KIF26A: variants seen among roughly 807,000 people sequenced by gnomAD.
The protein encoded by KIF26A is kinesin family member 26A.
KIF26A carries 74 observed loss-of-function variants against 126.0 expected under a neutral mutation model. The ratio of observed to expected loss-of-function variants is 0.59; its 90% CI spans 0.49 to 0.71. KIF26A has a LOEUF of 0.71. KIF26A is among the 30% of genes least tolerant of loss of function. The pLI, the probability that KIF26A is intolerant of heterozygous loss-of-function variation, is 0.00. For synonymous variants in KIF26A, 1,445 were observed against 1,232.7 expected, an observed-to-expected ratio of 1.17 and a Z score of -3.61; for missense variants, 2,984 against 2,763.3, an observed-to-expected ratio of 1.08 and a Z score of -1.79.
chr14:104,167,042 C>T lies in KIF26A; in HGVS notation c.1107C>T (p.Ile369=), dbSNP rs192904369. Residue 369 remains isoleucine, a synonymous_variant, in exon 5 of 15, where the codon ATC becomes ATT. Coordinates refer to ENST00000423312, the MANE Select transcript of KIF26A (RefSeq NM_015656.2). The stretch of plus-strand genomic sequence containing the variant: ...AGACCAAGGACAACCCTGGCAGCAT[C>T]GGGAAGGTAGACGCAGCCCCGAGTT... ...ASKTKDNPGS[I]GKVKVMLRIW... The T allele has an allele frequency of 1.9e-4, 297 of 1,555,116 alleles. No individual in the cohort carries two copies. In the African/African-American group the frequency reaches 3.0e-3, roughly 16 times the overall value.
intron 2 of KIF26A, among the ~76,000 whole-genome samples, chr14:104,150,459 G>C (rs528272253): frequency 1.3e-5 from 2 of 152,000 alleles, no homozygotes; most frequent in African/African-American, 4.8e-5. Flanking sequence ...AGTGTGAGGT[G>C]GTCCTGGGGG....
In KIF26A at chr14:104,173,345, G is replaced by A. The variant is rs1446755977; in HGVS notation, c.1699G>A (p.Glu567Lys). Residue 567 changes from glutamate to lysine, a missense_variant, in exon 9 of 15, where the codon GAG becomes AAG. Coordinates refer to ENST00000423312, the MANE Select transcript of KIF26A (RefSeq NM_015656.2). ...VCGAQLQNQS[E>K]LRAPTAEKAA... The stretch of plus-strand genomic sequence containing the variant: ...TTTCCTGCAGCTCCAGAACCAAAGC[G>A]AGCTGCGGGCACCCACGGCCGAGAA... The A allele has an allele frequency of 1.9e-6, 3 of 1,605,670 alleles. No individual in the cohort carries two copies. The highest frequency in any genetic ancestry group is 3.4e-5 in the Admixed American group (2 of 59,158).
chr14:104,178,820 G>A, intron 13 of KIF26A, 65 bp downstream of exon 13: 1 of 966,664 alleles, frequency 1.0e-6, no homozygotes, highest in South Asian at 1.7e-5. Context: ...ATGGCAGAGT[G>A]AGCCATTTGA....
rs1404253657 is a variant in KIF26A at position 104,151,756 on chromosome 14, G to A, written c.289-259G>A. Among the ~76,000 whole-genome samples, 1 of 152,236 alleles carries A rather than the reference G, an allele frequency of 6.6e-6. No individual in the cohort carries two copies. The highest frequency in any genetic ancestry group is 1.5e-5 in the Non-Finnish European group (1 of 68,044). On this transcript the variant is annotated intron_variant, in intron 2 of 14. Transcript: ENST00000423312. This position sits in a 1 kb window ranked among gnomAD's most constrained non-coding sequence, Gnocchi z 4.9. ...GAGCCGCAAACCTGCCTTGTTAGCC[G>A]CAGGCCGGGGCGCTTAATGACGGCT...
At position 104,179,518 on chromosome 14, in the gene KIF26A, G is replaced by C. The variant is rs940610632; in HGVS notation, c.5468-91G>C. ...TGGAAGGCAGGGTCGGCCGGGCCAA[G>C]ATGCCTTTCCTGGGGCCTCTGGGGG... On this transcript the variant is annotated intron_variant, in intron 14 of 14. Coordinates refer to ENST00000423312, the MANE Select transcript of KIF26A (RefSeq NM_015656.2). 65 of 1,435,254 alleles carry C rather than the reference G, an allele frequency of 4.5e-5. 2 individuals are homozygous for C. The Admixed American group carries it at 1.7e-3, about 37-fold the overall frequency. 88.9% of individuals were successfully genotyped at this position (1,435,254 alleles called of 1,614,324 possible). A position where few individuals can be genotyped will look rare whatever the true frequency, so the allele number is the denominator to read the frequency against.
intron 6 of KIF26A, among the ~76,000 whole-genome samples, chr14:104,172,234 C>T (rs1045405877): frequency 6.6e-6 from 1 of 152,262 alleles, no homozygotes; most frequent in Non-Finnish European, 1.5e-5. Context: ...GCTCTGGGGG[C>T]GCCCGGTGCT....
rs2038065335 is a variant in KIF26A at position 104,178,723 on chromosome 14, C to T, written c.5284C>T (p.Pro1762Ser). The T allele has an allele frequency of 5.2e-6, 8 of 1,549,170 alleles. No homozygotes were observed. The highest frequency in any genetic ancestry group is 5.2e-6 in the Non-Finnish European group (6 of 1,144,840). ...CGATGACGTGGAGCGCCTTCAGCGG[C>T]CCCGCCCCACCCCGAGGGAGGCCCC... The part of the protein sequence containing the change: ...EIDDVERLQR[P>S]RPTPREAPTQ... The change falls in exon 13 of 15, where the codon CCC becomes TCC. Residue 1762 changes from proline to serine, a missense_variant. Coordinates refer to ENST00000423312, the MANE Select transcript of KIF26A (RefSeq NM_015656.2).
intron 9 of KIF26A, 55 bp from the exon 10 acceptor site, chr14:104,173,651 A>G: frequency 6.3e-7 from 1 of 1,588,516 alleles, no homozygotes; most frequent in African/African-American, 1.3e-5. Context: ...GGGGATGTGG[A>G]GCAGGATCTG....
intron 7 of KIF26A, 147 bp downstream of exon 7, chr14:104,172,815 G>A (rs1303385116): frequency 2.6e-6 from 3 of 1,133,730 alleles, no homozygotes; most frequent in African/African-American, 3.1e-5. Context: ...GGCTTGTGGA[G>A]AGGAAGCTGA....
In KIF26A at chr14:104,173,479, C is replaced by A; in HGVS notation, c.1833C>A (p.Tyr611Ter). 6.3e-7 allele frequency: 1 copy of A among 1,582,844 alleles called. No individual in the cohort carries two copies. Among genetic ancestry groups the A allele is most frequent in the Non-Finnish European group, 8.6e-7 (1 of 1,161,136 alleles). Residue 611 changes from tyrosine to a stop codon, truncating the protein, a stop_gained, in exon 9 of 15, where the codon TAC becomes TAA. Coordinates refer to ENST00000423312, the MANE Select transcript of KIF26A (RefSeq NM_015656.2). LOFTEE classifies it high-confidence loss of function. ...SSHMLFTLHV[Y>*]QYRMEKCGRG... The stretch of plus-strand genomic sequence containing the variant: ...ACATGTTGTTCACGCTGCACGTCTA[C>A]CAGTACCGCATGGAGAAGTGCGGCC...
chr14:104,173,678 C>G, intron 9 of KIF26A, 28 bp from the exon 10 acceptor site: 3 of 1,607,986 alleles, frequency 1.9e-6, no homozygotes, highest in Middle Eastern at 1.9e-4. Context: ...CCTGGCTACA[C>G]CATCATTTGC....
intron 4 of KIF26A, among the ~76,000 whole-genome samples, chr14:104,158,635 C>T (rs2037805428): frequency 6.6e-6 from 1 of 152,224 alleles, no homozygotes; most frequent in African/African-American, 2.4e-5. Context: ...CCTGCTGATC[C>T]CCACCACTGC....
chr14:104,173,999 C>T (rs2037988615), intron 10 of KIF26A, 131 bp downstream of exon 10: 2 of 1,393,842 alleles, frequency 1.4e-6, no homozygotes, highest in Non-Finnish European at 1.9e-6. Flanking sequence ...ACCTGACAGG[C>T]CTCGCTGCCC....
intron 7 of KIF26A, 64 bp from the exon 8 acceptor site, chr14:104,172,913 G>A (rs1247004742): frequency 4.1e-6 from 6 of 1,478,700 alleles, no homozygotes; most frequent in Non-Finnish European, 4.5e-6. Flanking sequence ...CCCCGGGGAC[G>A]CCAGTAGCCA....
intron 5 of KIF26A, among the ~76,000 whole-genome samples, chr14:104,168,822 C>G (rs1397335484): frequency 6.6e-6 from 1 of 152,142 alleles, no homozygotes; most frequent in Non-Finnish European, 1.5e-5. Context: ...TGTCATTGCT[C>G]CGCTGGGGTT....
intron 9 of KIF26A, 72 bp from the exon 10 acceptor site, chr14:104,173,634 C>T: frequency 6.4e-7 from 1 of 1,566,094 alleles, no homozygotes; most frequent in Non-Finnish European, 8.7e-7. Context: ...CAGCTTGGGC[C>T]TGGGGTGGGG....
At chr14:104,141,075 C>T (rs368570347) in intron 2 of KIF26A, among the ~76,000 whole-genome samples, 2 of 152,234 alleles carry the variant, frequency 1.3e-5, no homozygotes, top group Admixed American at 1.3e-4. Context: ...GTCCTGTCCC[C>T]TGTGCGGGCC....
rs368488344 is a variant in KIF26A, at chr14:104,171,735, C to T, written c.1126C>T (p.Leu376=). Residue 376 remains leucine (L), a synonymous_variant, in exon 6 of 15, where the codon CTG becomes TTG. Coordinates refer to ENST00000423312, the MANE Select transcript of KIF26A (RefSeq NM_015656.2). ...ACCTCTGCCCCAGGTGAAGGTTATGCTGCGGATCTGGCCCGCACAGGGGGC... is the reference window on the plus strand; with the variant it reads ...ACCTCTGCCCCAGGTGAAGGTTATGTTGCGGATCTGGCCCGCACAGGGGGC... ...PGSIGKVKVM[L]RIWPAQGAQR... is the part of the protein sequence containing the mutation. 2 of 1,574,944 alleles carry T rather than the reference C, an allele frequency of 1.3e-6. No homozygotes were observed. The highest frequency in any genetic ancestry group is 1.7e-6 in the Non-Finnish European group (2 of 1,161,738).
At position 104,175,035 on chromosome 14, in the gene KIF26A, T is replaced by C; in HGVS notation, c.2247T>C (p.Arg749=). The change falls in exon 12 of 15, where the codon CGT becomes CGC. Residue 749 remains arginine, a synonymous_variant. Transcript: ENST00000423312. The stretch of plus-strand genomic sequence containing the variant: ...GCTCCTGTGAGGAAGGCCGGGCCCG[T>C]CGGCCCCCGCACCTGCGGCCCTTCC... ...GESSCEEGRA[R]RPPHLRPFHP... The C allele has an allele frequency of 6.4e-7, 1 of 1,564,380 alleles. No individual in the cohort carries two copies. Among genetic ancestry groups the C allele is most frequent in the Non-Finnish European group, 8.6e-7 (1 of 1,158,228 alleles).
Sources: gnomAD v4.1 joint callset for allele counts (sites outside exome capture counted in the v4.1 genomes callset) on GRCh38, gnomAD v4.1.1 for gene constraint, Gnocchi (gnomAD v3.1) non-coding constraint, MANE v1.5 for transcripts, NCBI Gene and HGNC (gene_info 2026-07-23, HGNC 2026-07-21) for gene names.